The following SGCZ variants were observed in gnomAD, a reference collection of about 807,000 sequenced individuals.
SGCZ encodes zeta-sarcoglycan.
Under a neutral mutation model 41.3 loss-of-function variants are expected in SGCZ, and 40 were observed. The ratio of observed to expected loss-of-function variants is 0.97; its 90% CI spans 0.75 to 1.26. SGCZ has a LOEUF of 1.26. Ranked by LOEUF, SGCZ falls within the 50% of genes most tolerant of loss-of-function variation. The pLI is 0.00. For synonymous variants in SGCZ, 206 were observed against 137.5 expected, an observed-to-expected ratio of 1.50 and a Z score of -3.49; for missense variants, 552 against 369.8, an observed-to-expected ratio of 1.49 and a Z score of -4.04.
intron 1 of SGCZ, among the ~76,000 whole-genome samples, chr8:15,187,735 C>T (rs527433664): frequency 6.6e-5 from 10 of 151,850 alleles, no homozygotes; most frequent in African/African-American, 2.2e-4. Context: ...ATAACTATAG[C>T]CATAAGGTTT....
intron 1 of SGCZ, among the ~76,000 whole-genome samples, chr8:15,149,210 C>T (rs1161328525): frequency 1.3e-5 from 2 of 151,972 alleles, no homozygotes; most frequent in Admixed American, 6.6e-5. Flanking sequence ...GACTATCCTT[C>T]AAACATTATC....
chr8:14,858,526 A>G (rs757794635), intron 1 of SGCZ, among the ~76,000 whole-genome samples: 1 of 152,138 alleles, frequency 6.6e-6, no homozygotes, highest in Non-Finnish European at 1.5e-5. Context: ...CAAAGGAAAG[A>G]CTATTTTAGC....
At chr8:15,186,035 A>G (rs1189064597) in intron 1 of SGCZ, among the ~76,000 whole-genome samples, 1 of 151,536 alleles carries the variant, frequency 6.6e-6, no homozygotes, top group Non-Finnish European at 1.5e-5. Context: ...CATCCTGGCT[A>G]ACACGGTGAA....
chr8:14,596,664 G>T (rs1255388295), intron 1 of SGCZ, among the ~76,000 whole-genome samples: 1 of 152,052 alleles, frequency 6.6e-6, no homozygotes, highest in East Asian at 1.9e-4. Context: ...ACACACCAGG[G>T]TCTCTCACGG....
chr8:14,732,201 C>T (rs557693416), intron 1 of SGCZ, among the ~76,000 whole-genome samples: 110 of 152,266 alleles, frequency 7.2e-4, no homozygotes, highest in African/African-American at 2.6e-3. Context: ...AGCTTTAAAA[C>T]ACATTCCTTA....
At chr8:15,116,282 T>G (rs1807265543) in intron 1 of SGCZ, among the ~76,000 whole-genome samples, 1 of 152,254 alleles carries the variant, frequency 6.6e-6, no homozygotes, top group Non-Finnish European at 1.5e-5. Context: ...AGTATTTGGC[T>G]ATATTAACTC....
chr8:14,122,829 T>TGTC (rs1554461669), intron 5 of SGCZ, among the ~76,000 whole-genome samples: 1 of 151,662 alleles, frequency 6.6e-6, no homozygotes, highest in Non-Finnish European at 1.5e-5. Flanking sequence ...TGGGAAACAT[T>TGTC]ATCACATCTT....
chr8:15,034,323 A>T (rs1803792462), intron 1 of SGCZ, among the ~76,000 whole-genome samples: 1 of 152,142 alleles, frequency 6.6e-6, no homozygotes, highest in African/African-American at 2.4e-5. Flanking sequence ...AGTGGAATGA[A>T]AACAGCAAGA....
At chr8:14,233,517 G>A (rs925492295) in intron 4 of SGCZ, among the ~76,000 whole-genome samples, 17 of 149,336 alleles carry the variant, frequency 1.1e-4, no homozygotes, top group African/African-American at 2.4e-4. Flanking sequence ...TATTAGTAGC[G>A]TTGTAAACAA....
intron 1 of SGCZ, among the ~76,000 whole-genome samples, chr8:14,891,062 A>C (rs1237051110): frequency 6.6e-6 from 1 of 152,220 alleles, no homozygotes; most frequent in South Asian, 2.1e-4. Context: ...CTAATCAACC[A>C]AAAGGCCTGG....
chr8:15,092,320 T>C (rs1481691164), intron 1 of SGCZ, among the ~76,000 whole-genome samples: 2 of 152,198 alleles, frequency 1.3e-5, no homozygotes, highest in African/African-American at 4.8e-5. Context: ...AATCAATCCT[T>C]AGAACTCCAT....
chr8:14,381,324 A>C (rs943108994), intron 2 of SGCZ, among the ~76,000 whole-genome samples: 4 of 152,192 alleles, frequency 2.6e-5, no homozygotes, highest in Non-Finnish European at 5.9e-5. Flanking sequence ...TGAATATAAA[A>C]ACATACAACC....
intron 2 of SGCZ, among the ~76,000 whole-genome samples, chr8:14,476,713 G>C (rs1446467339): frequency 6.6e-6 from 1 of 152,152 alleles, no homozygotes; most frequent in Non-Finnish European, 1.5e-5. Flanking sequence ...AACTTGGTGA[G>C]ATAGCTATTA....
intron 5 of SGCZ, among the ~76,000 whole-genome samples, chr8:14,151,319 A>G (rs941205061): frequency 5.3e-5 from 8 of 152,176 alleles, no homozygotes; most frequent in African/African-American, 1.9e-4. Context: ...CAAAGAAATT[A>G]AAAATTAAAA....
chr8:14,485,858 G>A (rs1801658144), intron 2 of SGCZ, among the ~76,000 whole-genome samples: 1 of 18,150 alleles, frequency 5.5e-5, no homozygotes, highest in Non-Finnish European at 2.2e-4. Flanking sequence ...TTTTTGAGAC[G>A]GAGTCTCGCT....
intron 5 of SGCZ, among the ~76,000 whole-genome samples, chr8:14,144,000 C>T (rs1351381558): frequency 6.6e-6 from 1 of 152,162 alleles, no homozygotes; most frequent in Non-Finnish European, 1.5e-5. Context: ...CAAACTTCAC[C>T]ACCAAGGGAT....
chr8:14,594,226 AAAAT>A (rs1476153069), intron 1 of SGCZ, among the ~76,000 whole-genome samples: 1 of 143,576 alleles, frequency 7.0e-6, no homozygotes, highest in African/African-American at 2.6e-5. Context: ...ATAAATAAAT[AAAAT>A]AAAACAAAAT....
chr8:14,266,989 G>C (rs983414107), intron 3 of SGCZ, among the ~76,000 whole-genome samples: 1 of 152,032 alleles, frequency 6.6e-6, no homozygotes, highest in Non-Finnish European at 1.5e-5. Context: ...TGGAATTTAA[G>C]TTAGTTCTAA....
chr8:14,708,863 C>G (rs1809416840), intron 1 of SGCZ, among the ~76,000 whole-genome samples: 1 of 146,828 alleles, frequency 6.8e-6, no homozygotes, highest in Non-Finnish European at 1.5e-5. Flanking sequence ...AATCCTATTA[C>G]ATTTTTTCAC....
Sources: gnomAD v4.1 joint callset for allele counts (sites outside exome capture counted in the v4.1 genomes callset) on GRCh38, gnomAD v4.1.1 for gene constraint, MANE v1.5 for transcripts, NCBI Gene and HGNC (gene_info 2026-07-23, HGNC 2026-07-21) for gene names.